The following CADM3 variants were observed in gnomAD, a reference collection of about 807,000 sequenced individuals.
CADM3 encodes the protein cell adhesion molecule 3.
In CADM3, 11 loss-of-function variants were observed where a neutral mutation model predicts 44.9. That is an observed-to-expected ratio of 0.25 (90% CI 0.15 to 0.41). The LOEUF (loss-of-function observed/expected upper bound fraction) is 0.41. Ranked by LOEUF, CADM3 falls within the 10% of genes least tolerant of loss-of-function variation. The pLI is 1.00. For missense variants in CADM3, 426 were observed against 512.0 expected (o/e 0.83, Z 1.62); for synonymous variants, 207 against 205.2 (o/e 1.01, Z -0.08).
intron 1 of CADM3, chr1:159,189,817 C>G: frequency 6.2e-7 from 1 of 1,607,622 alleles, no homozygotes; most frequent in Non-Finnish European, 8.5e-7. Context: ...TGGCTCCACT[C>G]GACGAGGCCA....
At chr1:159,182,597 C>T (rs1046283836) in intron 1 of CADM3, among the ~76,000 whole-genome samples, 3 of 152,076 alleles carry the variant, frequency 2.0e-5, no homozygotes. Flanking sequence ...TTCTAAGAAT[C>T]ATAGAGGGGA....
At chr1:159,189,847 C>T (rs1225324064) in intron 1 of CADM3, 4 of 1,604,042 alleles carry the variant, frequency 2.5e-6, no homozygotes, top group African/African-American at 2.7e-5. Context: ...CAGTCTGGAG[C>T]AGCCCTGACA....
At chr1:159,192,787 C>T in intron 3 of CADM3, 57 bp downstream of exon 3, 1 of 1,543,264 alleles carries the variant, frequency 6.5e-7, no homozygotes, top group South Asian at 1.2e-5. Context: ...ACAAACCTCC[C>T]TAGATGGGTC....
chr1:159,189,916 C>T, intron 1 of CADM3: 1 of 1,312,636 alleles, frequency 7.6e-7, no homozygotes, highest in Non-Finnish European at 1.1e-6. Flanking sequence ...TCAGTTCCCT[C>T]ACTCATCCTC....
intron 1 of CADM3, 58 bp downstream of exon 1, chr1:159,171,911 G>A (rs1412011114): frequency 1.6e-5 from 18 of 1,123,166 alleles, no homozygotes; most frequent in Non-Finnish European, 2.0e-5. Context: ...GGCGGGGGCT[G>A]GGATCGGGAG....
chr1:159,189,027 G>A (rs1456688456), intron 1 of CADM3, among the ~76,000 whole-genome samples: 1 of 152,158 alleles, frequency 6.6e-6, no homozygotes, highest in African/African-American at 2.4e-5. Flanking sequence ...TAAGGGTAGA[G>A]TAGGGAAAAA....
At chr1:159,180,338 C>A (rs1649181075) in intron 1 of CADM3, among the ~76,000 whole-genome samples, 1 of 152,060 alleles carries the variant, frequency 6.6e-6, no homozygotes, top group African/African-American at 2.4e-5. Context: ...TTGAGGGGCA[C>A]ATGTCAAAAT....
chr1:159,183,145 G>A (rs1649294678), intron 1 of CADM3, among the ~76,000 whole-genome samples: 1 of 152,188 alleles, frequency 6.6e-6, no homozygotes, highest in Admixed American at 6.5e-5. Context: ...CCCAGATTGG[G>A]TACAGGTTCC....
chr1:159,193,775 C>A, intron 4 of CADM3, 95 bp from the exon 5 acceptor site: 1 of 1,512,668 alleles, frequency 6.6e-7, no homozygotes, highest in Admixed American at 1.8e-5. Flanking sequence ...ACCATCTGTA[C>A]GTCTACAATG....
At chr1:159,174,048 A>C (rs972995607) in intron 1 of CADM3, among the ~76,000 whole-genome samples, 8 of 152,288 alleles carry the variant, frequency 5.3e-5, no homozygotes, top group Non-Finnish European at 1.0e-4. Context: ...CTGAATGGGG[A>C]ATTTCTAGAG....
At chr1:159,180,261 G>A (rs1649177315) in intron 1 of CADM3, among the ~76,000 whole-genome samples, 1 of 152,118 alleles carries the variant, frequency 6.6e-6, no homozygotes, top group African/African-American at 2.4e-5. Context: ...TAAAATCTGT[G>A]TGTTCATGTC....
chr1:159,200,856 C>A lies in CADM3; in HGVS notation c.1131C>A (p.Asp377Glu). 1 of 1,611,592 alleles carries A rather than the reference C, an allele frequency of 6.2e-7. No homozygotes were observed. The stretch of plus-strand genomic sequence containing the variant: ...GCTCCGACGATGCTCCAGACGCGGA[C>A]ACGGCCATCATCAATGCAGAAGGCG... Reference protein sequence around the residue: ...AKGSDDAPDADTAIINAEGGQ... With the variant: ...AKGSDDAPDAETAIINAEGGQ... Residue 377 changes from aspartate (D) to glutamate (E), a missense_variant, in exon 9 of 9, where the codon GAC becomes GAA. Coordinates refer to ENST00000368125, the MANE Select transcript of CADM3 (RefSeq NM_001127173.3).
At chr1:159,173,473 G>T (rs1648901788) in intron 1 of CADM3, among the ~76,000 whole-genome samples, 1 of 152,048 alleles carries the variant, frequency 6.6e-6, no homozygotes, top group African/African-American at 2.4e-5. Context: ...CCCAAAGGGA[G>T]TTCCCGCCCT....
intron 6 of CADM3, 182 bp downstream of exon 6, chr1:159,196,636 C>CT: frequency 1.6e-6 from 1 of 642,292 alleles, no homozygotes; most frequent in Non-Finnish European, 2.7e-6. Context: ...GGGAAGGGGC[C>CT]ACTCCCTAAC....
intron 1 of CADM3, among the ~76,000 whole-genome samples, chr1:159,185,189 T>C (rs1649372516): frequency 6.6e-6 from 1 of 152,196 alleles, no homozygotes; most frequent in Non-Finnish European, 1.5e-5. Context: ...CCCAAAGGTA[T>C]AGGTGCAGGC....
intron 1 of CADM3, chr1:159,189,889 C>T (rs745852973): frequency 2.6e-6 from 4 of 1,558,948 alleles, no homozygotes; most frequent in South Asian, 2.3e-5. Context: ...ATCCAGGCCC[C>T]CTCATCTCAA....
At chr1:159,193,376 C>T in intron 3 of CADM3, 47 bp from the exon 4 acceptor site, 2 of 1,547,392 alleles carry the variant, frequency 1.3e-6, no homozygotes, top group Non-Finnish European at 1.7e-6. Flanking sequence ...AAGTGTGACC[C>T]CATGGGGCCT....
intron 1 of CADM3, among the ~76,000 whole-genome samples, chr1:159,188,214 G>C (rs950403390): frequency 1.3e-5 from 2 of 151,880 alleles, no homozygotes; most frequent in East Asian, 3.9e-4. Context: ...CTCTAACGCT[G>C]CCTGCTTCCT....
intron 1 of CADM3, among the ~76,000 whole-genome samples, chr1:159,175,065 G>A (rs897633917): frequency 6.6e-6 from 1 of 152,226 alleles, no homozygotes; most frequent in Non-Finnish European, 1.5e-5. Flanking sequence ...CAGATGCCCA[G>A]TGAGGACATC....
Sources: allele counts gnomAD v4.1 joint callset (sites outside exome capture counted in the v4.1 genomes callset), GRCh38; gene constraint gnomAD v4.1.1; transcripts MANE v1.5; gene names NCBI Gene and HGNC (gene_info 2026-07-23, HGNC 2026-07-21).